The following CDK6 variants were observed in gnomAD, a reference collection of about 807,000 sequenced individuals.
The protein encoded by CDK6 is cyclin-dependent kinase 6.
A neutral mutation model predicts 37.1 loss-of-function variants in CDK6; 6 were observed. That is an observed-to-expected ratio of 0.16 (90% CI 0.09 to 0.32). CDK6 has a LOEUF of 0.32. CDK6 is among the 10% of genes least tolerant of loss of function. The probability of loss-of-function intolerance (pLI) is 1.00; values close to 1 mark genes in which losing one functional copy is unlikely to be tolerated. For synonymous variants in CDK6, 160 were observed against 161.3 expected (o/e 0.99, Z 0.06); for missense variants, 224 against 418.9 (o/e 0.53, Z 4.06).
chr7:92,727,723 A>G (rs1028064549), intron 3 of CDK6, among the ~76,000 whole-genome samples: 2 of 152,138 alleles, frequency 1.3e-5, no homozygotes, highest in Non-Finnish European at 2.9e-5. Flanking sequence ...AATATTCTGA[A>G]CTGGCAGGGG....
At chr7:92,682,005 A>C (rs900908468) in intron 4 of CDK6, among the ~76,000 whole-genome samples, 1 of 152,170 alleles carries the variant, frequency 6.6e-6, no homozygotes, top group Admixed American at 6.5e-5. Context: ...CTCTGTAAGC[A>C]AAATCGCTAC....
At chr7:92,667,635 T>C (rs1054883145) in intron 5 of CDK6, among the ~76,000 whole-genome samples, 2 of 151,872 alleles carry the variant, frequency 1.3e-5, no homozygotes, top group African/African-American at 2.4e-5. Flanking sequence ...CTGCAACCTC[T>C]GCCTCTCTTG....
chr7:92,716,312 T>G (rs1002481267), intron 4 of CDK6, among the ~76,000 whole-genome samples: 1 of 152,126 alleles, frequency 6.6e-6, no homozygotes, highest in Non-Finnish European at 1.5e-5. Context: ...GCTTACCACT[T>G]TGGGTAGAAG....
In CDK6 at chr7:92,607,514, C is replaced by T. The variant is rs1456460902; in HGVS notation, c.*7626G>A. ...CATCTATATATTCAAATCTACTAAT[C>T]ATGTTACAAATGCATGCAGCTTATT... On this transcript the variant is annotated 3_prime_UTR_variant, in exon 8 of 8. Transcript: ENST00000424848. The T allele has an allele frequency of 2.1e-5, 5 of 232,666 alleles. No individual in the cohort carries two copies. Among genetic ancestry groups the T allele is most frequent in the Non-Finnish European group, 4.2e-5 (5 of 117,848 alleles). 14.4% of individuals were successfully genotyped at this position (232,666 alleles called of 1,614,324 possible). A position where few individuals can be genotyped will look rare whatever the true frequency, so the allele number is the denominator to read the frequency against.
Position 92,608,686 on chromosome 7 carries a change from A to C in CDK6, c.*6454T>G. 1 of 231,410 alleles carries C rather than the reference A, an allele frequency of 4.3e-6. No individual in the cohort carries two copies. 14.3% of individuals were successfully genotyped at this position (231,410 alleles called of 1,614,324 possible). ...TGTGTTGTACTTATTTATGCACAGAAGACACCCGTTTGCTACTAGGGACAT... is the reference window on the plus strand; with the variant it reads ...TGTGTTGTACTTATTTATGCACAGACGACACCCGTTTGCTACTAGGGACAT... On this transcript the variant is annotated 3_prime_UTR_variant, in exon 8 of 8. Coordinates refer to ENST00000424848, the MANE Select transcript of CDK6 (RefSeq NM_001145306.2).
intron 4 of CDK6, among the ~76,000 whole-genome samples, chr7:92,708,776 A>T (rs545754448): frequency 6.6e-6 from 1 of 152,342 alleles, no homozygotes; most frequent in Admixed American, 6.5e-5. Flanking sequence ...GTGAGATGTC[A>T]TATAGAGATT....
chr7:92,678,598 C>T (rs1797261258), intron 4 of CDK6, among the ~76,000 whole-genome samples: 1 of 152,216 alleles, frequency 6.6e-6, no homozygotes. Flanking sequence ...ACCGCTCTCA[C>T]TTGATGTTAT....
intron 4 of CDK6, among the ~76,000 whole-genome samples, chr7:92,688,447 T>TTGAA (rs1434144052): frequency 2.6e-5 from 4 of 152,158 alleles, no homozygotes; most frequent in African/African-American, 9.7e-5. Context: ...ACTGTGTGAC[T>TTGAA]CAGTAGTTCA....
At chr7:92,673,815 T>C (rs1171574702) in intron 4 of CDK6, among the ~76,000 whole-genome samples, 1 of 152,060 alleles carries the variant, frequency 6.6e-6, no homozygotes, top group Non-Finnish European at 1.5e-5. Context: ...TCTTGCTCTG[T>C]TGCCCAGGCT....
At chr7:92,795,467 C>G (rs1800386143) in intron 2 of CDK6, among the ~76,000 whole-genome samples, 1 of 152,124 alleles carries the variant, frequency 6.6e-6, no homozygotes, top group African/African-American at 2.4e-5. Flanking sequence ...CAGACCAAAA[C>G]TAGGTCACAA....
intron 5 of CDK6, among the ~76,000 whole-genome samples, chr7:92,633,284 T>G (rs977960653): frequency 6.6e-6 from 1 of 152,156 alleles, no homozygotes; most frequent in African/African-American, 2.4e-5. Flanking sequence ...GTGTGATAAC[T>G]CAACAATTTG....
At chr7:92,716,135 T>G (rs1039282686) in intron 4 of CDK6, among the ~76,000 whole-genome samples, 1 of 152,142 alleles carries the variant, frequency 6.6e-6, no homozygotes, top group Non-Finnish European at 1.5e-5. Flanking sequence ...ATTAAAAAAA[T>G]TTTTTTGGAT....
At position 92,615,371 on chromosome 7, in the gene CDK6, T is replaced by C. The variant is rs1212019770; in HGVS notation, c.835-85A>G. On this transcript the variant is annotated intron_variant, in intron 7 of 7. Transcript: ENST00000424848. ...TACAGAGTTATCCCTTTATTCACTG[T>C]CATATGTTAAGCGCATCTACAGTGG... The C allele has an allele frequency of 1.4e-5, 16 of 1,143,852 alleles. No individual in the cohort carries two copies. In the East Asian group the frequency reaches 1.7e-4, roughly 12 times the overall value. 70.9% of individuals were successfully genotyped at this position (1,143,852 alleles called of 1,614,324 possible).
intron 2 of CDK6, among the ~76,000 whole-genome samples, chr7:92,804,448 A>G (rs1286609007): frequency 6.6e-6 from 1 of 152,184 alleles, no homozygotes; most frequent in African/African-American, 2.4e-5. Context: ...AACTCCGTCC[A>G]TTTCAGCCAT....
At chr7:92,712,274 T>A (rs955283325) in intron 4 of CDK6, among the ~76,000 whole-genome samples, 1 of 152,132 alleles carries the variant, frequency 6.6e-6, no homozygotes, top group Admixed American at 6.5e-5. Context: ...GTGAACTCTA[T>A]CTTATAAATG....
rs144399906 is a variant in CDK6 at position 92,808,040 on chromosome 7, T to A, written c.233+25051A>T. On this transcript the variant is annotated intron_variant, in intron 2 of 7. Coordinates refer to ENST00000424848, the MANE Select transcript of CDK6 (RefSeq NM_001145306.2). ...AACTAAGCTTTCTTATTAACTGGAC[T>A]GCTCTATTCCTCAATTACGCAAGTT... Among the ~76,000 whole-genome samples the A allele has an allele frequency of 2.8e-3, 423 of 152,326 alleles. 1 individual carries two copies. The highest frequency in any genetic ancestry group is 4.4e-3 in the Non-Finnish European group (298 of 68,022).
At chr7:92,635,949 C>T (rs571862177) in intron 5 of CDK6, among the ~76,000 whole-genome samples, 22 of 152,260 alleles carry the variant, frequency 1.4e-4, no homozygotes, top group African/African-American at 5.1e-4. Flanking sequence ...GAGCTGTAAT[C>T]AGTTTTGCTA....
At chr7:92,777,204 G>A (rs1367844840) in intron 2 of CDK6, among the ~76,000 whole-genome samples, 1 of 152,074 alleles carries the variant, frequency 6.6e-6, no homozygotes, top group Non-Finnish European at 1.5e-5. Flanking sequence ...TCAAAGATCA[G>A]ATGGTTGTAG....
rs2116484189 is a variant in CDK6, at chr7:92,618,117, C to T, written c.789G>A (p.Glu263=). Residue 263 remains glutamate, a synonymous_variant, in exon 7 of 8, where the codon GAG becomes GAA. Transcript: ENST00000424848. The part of the protein sequence containing the change: ...AFHSKSAQPI[E]KFVTDIDELG... ...GTTCATCGATATCTGTTACAAACTTCTCAATTGGTTGGGCAGATTTTGAAT... is the reference window on the plus strand; with the variant it reads ...GTTCATCGATATCTGTTACAAACTTTTCAATTGGTTGGGCAGATTTTGAAT... 6.2e-7 allele frequency: 1 copy of T among 1,614,138 alleles called. No homozygotes were observed. The highest frequency in any genetic ancestry group is 1.3e-5 in the African/African-American group (1 of 75,044).
Sources: allele counts gnomAD v4.1 joint callset (sites outside exome capture counted in the v4.1 genomes callset), GRCh38; gene constraint gnomAD v4.1.1; transcripts MANE v1.5; gene names NCBI Gene and HGNC (gene_info 2026-07-23, HGNC 2026-07-21).